Variants in VPS13B observed in about 807,000 individuals in gnomAD.
VPS13B encodes the protein intermembrane lipid transfer protein VPS13B.
A neutral mutation model predicts 426.4 loss-of-function variants in VPS13B; 285 were observed. The ratio of observed to expected loss-of-function variants is 0.67; its 90% CI spans 0.61 to 0.74. The LOEUF (loss-of-function observed/expected upper bound fraction) is 0.74. VPS13B is among the 30% of genes least tolerant of loss of function. The pLI, the probability that VPS13B is intolerant of heterozygous loss-of-function variation, is 0.00. For synonymous variants in VPS13B, 1,676 were observed against 1,676.4 expected, an observed-to-expected ratio of 1.00 and a Z score of 0.01; for missense variants, 4,537 against 4,782.6, an observed-to-expected ratio of 0.95 and a Z score of 1.51.
chr8:99,323,134 A>T (rs1187956429), intron 19 of VPS13B, among the ~76,000 whole-genome samples: 2 of 152,216 alleles, frequency 1.3e-5, no homozygotes, highest in Non-Finnish European at 2.9e-5. Context: ...GAGGAAGTAC[A>T]GGTGAATGTG....
In VPS13B at chr8:99,854,059, C is replaced by T. The variant is rs866169695; in HGVS notation, c.10670C>T (p.Pro3557Leu). Residue 3557 changes from proline (P) to leucine (L), a missense_variant, in exon 56 of 62, where the codon CCT becomes CTT. By Grantham distance (98) the Pro-to-Leu change is moderately conservative. Coordinates refer to ENST00000357162, the MANE Select transcript of VPS13B (RefSeq NM_152564.5). ...VTQHARALVNPVKLRKLVIQP... is the reference protein window; with the variant it reads ...VTQHARALVNLVKLRKLVIQP... ...CAGCACGCCAGGGCCTTGGTGAATCCTGTGAAGTTACGGAAACTGGTGATC... is the reference window on the plus strand; with the variant it reads ...CAGCACGCCAGGGCCTTGGTGAATCTTGTGAAGTTACGGAAACTGGTGATC... 2.5e-6 allele frequency: 4 copies of T among 1,613,652 alleles called. No individual in the cohort carries two copies. In the African/African-American group the frequency reaches 5.3e-5, roughly 22 times the overall value.
At chr8:99,743,501 G>A (rs1049806748) in intron 39 of VPS13B, among the ~76,000 whole-genome samples, 41 of 152,192 alleles carry the variant, frequency 2.7e-4, no homozygotes, top group Admixed American at 2.2e-3. Context: ...CCAAAAAAGA[G>A]CCCGCATCGC....
chr8:99,175,074 A>G (rs1255017068), intron 16 of VPS13B, among the ~76,000 whole-genome samples: 1 of 152,230 alleles, frequency 6.6e-6, no homozygotes, highest in South Asian at 2.1e-4. Flanking sequence ...GAATTGAAAT[A>G]TAGATTCTTG....
chr8:99,457,117 T>G (rs1588399014), intron 23 of VPS13B, among the ~76,000 whole-genome samples: 2 of 151,850 alleles, frequency 1.3e-5, no homozygotes, highest in Non-Finnish European at 2.9e-5. Flanking sequence ...CTGCAATCTC[T>G]GCCTCCCGGG....
intron 17 of VPS13B, among the ~76,000 whole-genome samples, chr8:99,268,026 G>A (rs1317413108): frequency 6.6e-6 from 1 of 152,220 alleles, no homozygotes; most frequent in East Asian, 1.9e-4. Context: ...TAGAGCTCAG[G>A]ATGTTGCTTC....
In VPS13B at chr8:99,556,524, A is replaced by G; in HGVS notation, c.4820A>G (p.Gln1607Arg). The change falls in exon 31 of 62, where the codon CAG becomes CGG. Residue 1607 changes from glutamine (Q) to arginine (R), a missense_variant. Gln to Arg is a conservative substitution (Grantham distance 43). Coordinates refer to ENST00000357162, the MANE Select transcript of VPS13B (RefSeq NM_152564.5). Reference sequence around the variant, plus strand: ...GACAGACAATACCAAATAGATCTGCAGTCCATCAATATTGGTACTGCACAG... The same window carrying G: ...GACAGACAATACCAAATAGATCTGCGGTCCATCAATATTGGTACTGCACAG... ...IEDRQYQIDL[Q>R]SINIGTAQWH... 1 of 1,613,388 alleles carries G rather than the reference A, an allele frequency of 6.2e-7. No individual in the cohort carries two copies. Among genetic ancestry groups the G allele is most frequent in the Non-Finnish European group, 8.5e-7 (1 of 1,179,612 alleles).
chr8:99,522,568 T>G (rs1334094010), intron 30 of VPS13B, among the ~76,000 whole-genome samples: 1 of 152,190 alleles, frequency 6.6e-6, no homozygotes, highest in Non-Finnish European at 1.5e-5. Flanking sequence ...AGGGTCTTCC[T>G]TTTATTCTTT....
At chr8:99,596,902 G>A (rs890157201) in intron 33 of VPS13B, among the ~76,000 whole-genome samples, 1 of 152,112 alleles carries the variant, frequency 6.6e-6, no homozygotes, top group Non-Finnish European at 1.5e-5. Context: ...ACCAGCATCC[G>A]TAGCTAGAGA....
At chr8:99,325,306 T>C (rs1187647828) in intron 19 of VPS13B, among the ~76,000 whole-genome samples, 1 of 152,312 alleles carries the variant, frequency 6.6e-6, no homozygotes, top group Non-Finnish European at 1.5e-5. Flanking sequence ...TGCTTTAGAC[T>C]AACTTCTCAC....
chr8:99,218,936 A>G (rs1051366990), intron 17 of VPS13B, among the ~76,000 whole-genome samples: 3 of 152,148 alleles, frequency 2.0e-5, no homozygotes, highest in Non-Finnish European at 4.4e-5. Context: ...GCTATGTGAT[A>G]CAGTGATGGA....
chr8:99,203,383 A>G (rs546695425), intron 17 of VPS13B, among the ~76,000 whole-genome samples: 1 of 152,338 alleles, frequency 6.6e-6, no homozygotes, highest in South Asian at 2.1e-4. Context: ...AGAGTTATTT[A>G]TGGCAAACTC....
At chr8:99,414,239 C>CTT (rs373183960) in intron 21 of VPS13B, among the ~76,000 whole-genome samples, 2,384 of 134,826 alleles carry the variant, frequency 0.018, 158 homozygotes, top group Admixed American at 0.12. Context: ...GCAACCCCTG[C>CTT]TTTTTTTTTT....
chr8:99,722,491 A>G (rs773647312), intron 39 of VPS13B, among the ~76,000 whole-genome samples: 65 of 151,876 alleles, frequency 4.3e-4, no homozygotes, highest in Admixed American at 6.6e-4. Flanking sequence ...AAGTCATATT[A>G]CAATCTTATG....
At chr8:99,153,127 A>T (rs912402679) in intron 14 of VPS13B, among the ~76,000 whole-genome samples, 2 of 152,202 alleles carry the variant, frequency 1.3e-5, no homozygotes, top group Non-Finnish European at 2.9e-5. Context: ...CAATGATCAC[A>T]CCACTTGCAC....
intron 17 of VPS13B, 78 bp downstream of exon 17, chr8:99,193,135 A>G (rs1813699396): frequency 7.3e-7 from 1 of 1,378,510 alleles, no homozygotes; most frequent in Admixed American, 1.8e-5. Flanking sequence ...GAAAATCCAT[A>G]TGTCTAGCAT....
Position 99,336,738 on chromosome 8 carries a change from TGCA to T in VPS13B, c.2825-47467_2825-47465del, listed in dbSNP as rs563999769. Among the ~76,000 whole-genome samples the T allele has an allele frequency of 5.0e-4, 76 of 152,328 alleles. 1 individual carries two copies. In the South Asian group the frequency reaches 7.2e-3, roughly 15 times the overall value. ...GACACTTCTCAAAAGAAGACATTTA[TGCA>T]GCTAAAAAACACATGAAAAAATGCT... On this transcript the variant is annotated intron_variant, in intron 19 of 61. Transcript: ENST00000357162.
chr8:99,479,015 A>C (rs139988123), intron 24 of VPS13B, among the ~76,000 whole-genome samples: 1 of 151,972 alleles, frequency 6.6e-6, no homozygotes, highest in Non-Finnish European at 1.5e-5. Flanking sequence ...TTGTATATCC[A>C]TGTTTTTTCT....
intron 21 of VPS13B, among the ~76,000 whole-genome samples, chr8:99,418,500 T>C: frequency 6.8e-6 from 1 of 146,850 alleles, no homozygotes; most frequent in African/African-American, 2.6e-5. Context: ...TCTTTCTTTC[T>C]TTCTTTCTTT....
chr8:99,846,911 C>T (rs1472328908), intron 54 of VPS13B, among the ~76,000 whole-genome samples: 1 of 152,158 alleles, frequency 6.6e-6, no homozygotes, highest in Non-Finnish European at 1.5e-5. Flanking sequence ...TGGACGGTGA[C>T]TTAGGAAAAG....
Sources: gnomAD v4.1 joint callset for allele counts (sites outside exome capture counted in the v4.1 genomes callset) on GRCh38, gnomAD v4.1.1 for gene constraint, MANE v1.5 for transcripts, NCBI Gene and HGNC (gene_info 2026-07-23, HGNC 2026-07-21) for gene names.